Variants in ZNF827 observed in about 807,000 individuals in gnomAD.
ZNF827 encodes zinc finger protein 827.
ZNF827 carries 13 observed loss-of-function variants against 102.4 expected under a neutral mutation model. That is an observed-to-expected ratio of 0.13 (90% CI 0.08 to 0.20). The LOEUF (loss-of-function observed/expected upper bound fraction) is 0.20, where lower values mean the gene tolerates loss of function less well. Among genes scored for constraint, ZNF827 ranks in the 10% least tolerant of loss-of-function variants. The pLI, the probability that ZNF827 is intolerant of heterozygous loss-of-function variation, is 1.00. For missense variants in ZNF827, 1,103 were observed against 1,344.4 expected, an observed-to-expected ratio of 0.82 and a Z score of 2.81; for synonymous variants, 523 against 536.2, an observed-to-expected ratio of 0.98 and a Z score of 0.34.
At chr4:145,805,039 C>T (rs144122114) in intron 8 of ZNF827, among the ~76,000 whole-genome samples, 1 of 152,048 alleles carries the variant, frequency 6.6e-6, no homozygotes, top group Non-Finnish European at 1.5e-5. Context: ...GTTTTGTATG[C>T]ATCTGTTAGA....
At chr4:145,918,884 T>C (rs768341428) in intron 1 of ZNF827, among the ~76,000 whole-genome samples, 2 of 152,222 alleles carry the variant, frequency 1.3e-5, no homozygotes, top group African/African-American at 2.4e-5. Flanking sequence ...AAATCCTCTA[T>C]GAATCCACTT....
At position 145,765,842 on chromosome 4, in the gene ZNF827, G is replaced by A. The variant is rs1735204835; in HGVS notation, c.2861-104C>T. The A allele has an allele frequency of 3.3e-6, 4 of 1,196,302 alleles. No individual in the cohort carries two copies. Among genetic ancestry groups the A allele is most frequent in the African/African-American group, 3.1e-5 (2 of 65,284 alleles). The allele number at this position is 1,196,302 out of a possible 1,614,324, so 74.1% of individuals were successfully genotyped here. A position where few individuals can be genotyped will look rare whatever the true frequency, so the allele number is the denominator to read the frequency against. ...AGTCTCATGGATGCATCATCATTCTGGGGGCACAGGCTCATGTCCCCAGCT... is the reference window on the plus strand; with the variant it reads ...AGTCTCATGGATGCATCATCATTCTAGGGGCACAGGCTCATGTCCCCAGCT... On this transcript the variant is annotated intron_variant, in intron 11 of 14. Coordinates refer to ENST00000508784, the MANE Select transcript of ZNF827 (RefSeq NM_001306215.2). This position sits in a 1 kb window ranked among gnomAD's most constrained non-coding sequence, Gnocchi z 4.7.
chr4:145,808,099 G>T (rs1335577163), intron 8 of ZNF827, among the ~76,000 whole-genome samples: 3 of 149,314 alleles, frequency 2.0e-5, no homozygotes, highest in African/African-American at 7.4e-5. Context: ...TTTTTCTGTG[G>T]GTGCAAGTGA....
chr4:145,846,044 C>T, intron 6 of ZNF827, 31 bp from the exon 7 acceptor site: 2 of 1,610,546 alleles, frequency 1.2e-6, no homozygotes, highest in South Asian at 1.1e-5. Context: ...ACATACACCT[C>T]TTAGGTTGTT....
At chr4:145,773,073 G>T (rs532397755) in intron 11 of ZNF827, among the ~76,000 whole-genome samples, 1 of 152,224 alleles carries the variant, frequency 6.6e-6, no homozygotes, top group East Asian at 1.9e-4. Flanking sequence ...GTATACTTTG[G>T]AGTAAAGAGG....
Position 145,937,170 on chromosome 4 carries a change from G to A in ZNF827, c.43+1195C>T, listed in dbSNP as rs1055960972. Among the ~76,000 whole-genome samples, 2 of 151,994 alleles carry A rather than the reference G, an allele frequency of 1.3e-5. 1 individual carries two copies. Among genetic ancestry groups the A allele is most frequent in the African/African-American group, 4.8e-5 (2 of 41,404 alleles). On this transcript the variant is annotated intron_variant, in intron 1 of 14. Coordinates refer to ENST00000508784, the MANE Select transcript of ZNF827 (RefSeq NM_001306215.2). Reference sequence around the variant, plus strand: ...GGGGGGAGCTGGAGAGGGAGTGGGGGAAAAGTTAAGAGTCGCGCAAAGAAA... The same window carrying A: ...GGGGGGAGCTGGAGAGGGAGTGGGGAAAAAGTTAAGAGTCGCGCAAAGAAA...
intron 1 of ZNF827, among the ~76,000 whole-genome samples, chr4:145,919,886 T>A (rs1299482814): frequency 6.6e-6 from 1 of 152,224 alleles, no homozygotes; most frequent in Non-Finnish European, 1.5e-5. Flanking sequence ...GCAGAAAATC[T>A]ATTTATACAG....
intron 5 of ZNF827, among the ~76,000 whole-genome samples, chr4:145,865,523 G>A (rs959802398): frequency 6.6e-6 from 1 of 152,138 alleles, no homozygotes; most frequent in South Asian, 2.1e-4. Context: ...GTCCAGAGTA[G>A]GGCTCAAGAA....
In ZNF827 at chr4:145,762,972, C is replaced by T. The variant is rs933771845; in HGVS notation, c.*17+118G>A. ...AGTGCACCGTGCACGGCCTCCTCAG[C>T]GCCAAGCTCGCCGTTAGCCTTTGAA... On this transcript the variant is annotated intron_variant, in intron 14 of 14. Coordinates refer to ENST00000508784, the MANE Select transcript of ZNF827 (RefSeq NM_001306215.2). The surrounding 1 kb of genome is among the most constrained non-coding windows in gnomAD (Gnocchi z 4.9). 24 of 1,004,630 alleles carry T rather than the reference C, an allele frequency of 2.4e-5. No individual in the cohort carries two copies. The highest frequency in any genetic ancestry group is 1.4e-4 in the Admixed American group (6 of 41,588). 62.2% of individuals were successfully genotyped at this position (1,004,630 alleles called of 1,614,324 possible).
chr4:145,856,584 T>C (rs1339135548), intron 5 of ZNF827, among the ~76,000 whole-genome samples: 1 of 152,024 alleles, frequency 6.6e-6, no homozygotes, highest in Non-Finnish European at 1.5e-5. Context: ...AAGAAAACAG[T>C]AGTGGGCACA....
intron 7 of ZNF827, among the ~76,000 whole-genome samples, chr4:145,826,247 T>C (rs1373624163): frequency 6.6e-6 from 1 of 152,236 alleles, no homozygotes; most frequent in African/African-American, 2.4e-5. Flanking sequence ...CTCAGTTTCG[T>C]CACTGAAAAA....
At chr4:145,778,534 C>G (rs1346032968) in intron 9 of ZNF827, among the ~76,000 whole-genome samples, 5 of 152,100 alleles carry the variant, frequency 3.3e-5, no homozygotes, top group Admixed American at 3.3e-4. Context: ...ATCACTTGAA[C>G]CCGGGAGGCA....
intron 5 of ZNF827, among the ~76,000 whole-genome samples, chr4:145,853,417 G>A (rs1452571612): frequency 3.3e-5 from 5 of 152,074 alleles, no homozygotes. Flanking sequence ...TTTATCCCAG[G>A]TGGTCTATAT....
Position 145,845,999 on chromosome 4 carries a change from C to T in ZNF827, c.2236G>A (p.Glu746Lys). ...LFQLSEKVSK[E>K]HNHTKENTIR... Reference sequence around the variant, plus strand: ...GTGTTTTCTTTTGTATGATTGTGCTCTTTGCTCACTTTTTCTGTAAGGAGA... The same window carrying T: ...GTGTTTTCTTTTGTATGATTGTGCTTTTTGCTCACTTTTTCTGTAAGGAGA... Residue 746 changes from glutamate (E) to lysine (K), a missense_variant, in exon 7 of 15, where the codon GAG becomes AAG. Transcript: ENST00000508784. 6.2e-7 allele frequency: 1 copy of T among 1,614,224 alleles called. No individual in the cohort carries two copies. Among genetic ancestry groups the T allele is most frequent in the Non-Finnish European group, 8.5e-7 (1 of 1,180,034 alleles).
chr4:145,879,155 C>A (rs943917014), intron 4 of ZNF827, among the ~76,000 whole-genome samples: 1 of 152,112 alleles, frequency 6.6e-6, no homozygotes, highest in Non-Finnish European at 1.5e-5. Flanking sequence ...ATTAAGTAGT[C>A]AAGAGCCAAC....
intron 5 of ZNF827, among the ~76,000 whole-genome samples, chr4:145,866,138 C>A (rs996806078): frequency 6.6e-6 from 1 of 152,220 alleles, no homozygotes; most frequent in Non-Finnish European, 1.5e-5. Flanking sequence ...CCCACTGCAT[C>A]TCTGCCCTTG....
At chr4:145,782,356 CTGAGA>C (rs1738209813) in intron 8 of ZNF827, among the ~76,000 whole-genome samples, 2 of 152,240 alleles carry the variant, frequency 1.3e-5, no homozygotes, top group East Asian at 3.9e-4. Flanking sequence ...TTTCCAGGAG[CTGAGA>C]TGAGATGAAG....
At chr4:145,793,268 T>TTA (rs1374403075) in intron 8 of ZNF827, among the ~76,000 whole-genome samples, 5 of 102,150 alleles carry the variant, frequency 4.9e-5, no homozygotes, top group African/African-American at 1.1e-4. Flanking sequence ...TATATATCTC[T>TTA]TATATATATA....
chr4:145,934,226 G>C (rs1250108381), intron 1 of ZNF827, among the ~76,000 whole-genome samples: 1 of 152,048 alleles, frequency 6.6e-6, no homozygotes, highest in Non-Finnish European at 1.5e-5. Context: ...CTTTGCTTAG[G>C]GTCACCTGCA....
Sources: gnomAD v4.1 joint callset for allele counts (sites outside exome capture counted in the v4.1 genomes callset) on GRCh38, gnomAD v4.1.1 for gene constraint, Gnocchi (gnomAD v3.1) non-coding constraint, MANE v1.5 for transcripts, NCBI Gene and HGNC (gene_info 2026-07-23, HGNC 2026-07-21) for gene names.